Variants in ACADSB observed in about 807,000 individuals in gnomAD.
The protein encoded by ACADSB is short/branched chain specific acyl-CoA dehydrogenase, mitochondrial.
Under a neutral mutation model 54.1 loss-of-function variants are expected in ACADSB, and 40 were observed. The observed-to-expected ratio is 0.74, with a 90% CI of 0.57 to 0.96. The LOEUF (loss-of-function observed/expected upper bound fraction) is 0.96. Among genes scored for constraint, ACADSB ranks in the 40% least tolerant of loss-of-function variants. The pLI is 0.00. For missense variants in ACADSB, 530 were observed against 510.4 expected (o/e 1.04, Z -0.37); for synonymous variants, 182 against 182.8 (o/e 1.00, Z 0.03).
intron 8 of ACADSB, 138 bp downstream of exon 8, chr10:123,047,436 C>G (rs926729867): frequency 3.0e-6 from 2 of 677,024 alleles, no homozygotes; most frequent in African/African-American, 3.6e-5. Flanking sequence ...AAGAATAGGT[C>G]TCAGGGAGTG....
rs1850683827 is a variant in ACADSB, at chr10:123,054,831, T to A, written c.*1066T>A. The A allele has an allele frequency of 6.6e-6, 1 of 152,316 alleles. No homozygotes were observed. The highest frequency in any genetic ancestry group is 1.9e-4 in the East Asian group (1 of 5,192). The allele number at this position is 152,316 out of a possible 1,614,324, so 9.4% of individuals were successfully genotyped here. A position where few individuals can be genotyped will look rare whatever the true frequency, so the allele number is the denominator to read the frequency against. ...TGTTGGATATTCTGTCATGCACTAT[T>A]TTTCAGTTGACAATTTCTGTATTTT... On this transcript the variant is annotated 3_prime_UTR_variant, in exon 11 of 11. Transcript: ENST00000358776.
At chr10:123,033,580 T>C (rs1850356926) in intron 1 of ACADSB, among the ~76,000 whole-genome samples, 1 of 152,160 alleles carries the variant, frequency 6.6e-6, no homozygotes, top group Admixed American at 6.5e-5. Context: ...AGCAGTTGTG[T>C]AGAAATAGTC....
At chr10:123,039,454 CTA>C (rs1281960724) in intron 3 of ACADSB, among the ~76,000 whole-genome samples, 1 of 152,170 alleles carries the variant, frequency 6.6e-6, no homozygotes, top group African/African-American at 2.4e-5. Flanking sequence ...ATTGAGAGTA[CTA>C]TGTGAGTTTC....
chr10:123,050,679 T>C (rs1850617828), intron 8 of ACADSB, among the ~76,000 whole-genome samples: 1 of 152,200 alleles, frequency 6.6e-6, no homozygotes, highest in Non-Finnish European at 1.5e-5. Context: ...ATAAAGAATA[T>C]ATTCAAAGTT....
At position 123,012,422 on chromosome 10, in the gene ACADSB, G is replaced by C. The variant is rs150248020; in HGVS notation, c.42+3351G>C. Reference sequence around the variant, plus strand: ...TGGTGGGGCCTAATGGGAAGTGTTTGGGTCATAGTGTGTCCAGAATTGGTG... The same window carrying C: ...TGGTGGGGCCTAATGGGAAGTGTTTCGGTCATAGTGTGTCCAGAATTGGTG... On this transcript the variant is annotated intron_variant, in intron 1 of 10. Coordinates refer to ENST00000358776, the MANE Select transcript of ACADSB (RefSeq NM_001609.4). Among the ~76,000 whole-genome samples the C allele has an allele frequency of 5.7e-4, 87 of 152,304 alleles. 1 individual carries two copies. In the East Asian group the frequency reaches 0.015, roughly 26 times the overall value.
intron 1 of ACADSB, among the ~76,000 whole-genome samples, chr10:123,025,269 C>T (rs538321409): frequency 1.5e-4 from 23 of 152,074 alleles, no homozygotes; most frequent in Non-Finnish European, 2.8e-4. Flanking sequence ...TCAGCCTGGG[C>T]AACATAGCGA....
At chr10:123,049,283 C>A (rs1175044471) in intron 8 of ACADSB, among the ~76,000 whole-genome samples, 3 of 152,166 alleles carry the variant, frequency 2.0e-5, no homozygotes, top group African/African-American at 7.2e-5. Flanking sequence ...GGGTAGAGAC[C>A]AGCCTATTCA....
chr10:123,053,757 G>A lies in ACADSB; in HGVS notation c.1291G>A (p.Glu431Lys). The change falls in exon 11 of 11, where the codon GAA becomes AAA. Residue 431 changes from glutamate to lysine, a missense_variant. Glu to Lys is a moderately conservative substitution (Grantham distance 56, BLOSUM62 1). Transcript: ENST00000358776. ...LNTIAKHIDA[E>K]Y ...CACCATTGCAAAGCATATCGATGCA[G>A]AATACTGACGTCTATAGGAGTGGGA... The A allele has an allele frequency of 1.2e-6, 2 of 1,613,636 alleles. No homozygotes were observed. The highest frequency in any genetic ancestry group is 1.7e-6 in the Non-Finnish European group (2 of 1,179,528).
At chr10:123,030,281 T>C (rs1589736788) in intron 1 of ACADSB, among the ~76,000 whole-genome samples, 1 of 152,272 alleles carries the variant, frequency 6.6e-6, no homozygotes. Context: ...ATCCCAGCAC[T>C]CTGGGAGGCC....
intron 2 of ACADSB, among the ~76,000 whole-genome samples, chr10:123,034,870 A>G (rs560075218): frequency 6.6e-6 from 1 of 152,256 alleles, no homozygotes; most frequent in South Asian, 2.1e-4. Flanking sequence ...AGTTTCTTAT[A>G]TAGCCTTGCA....
At chr10:123,045,639 A>G (rs1224496328) in intron 7 of ACADSB, among the ~76,000 whole-genome samples, 3 of 152,152 alleles carry the variant, frequency 2.0e-5, no homozygotes, top group Non-Finnish European at 4.4e-5. Flanking sequence ...TTAGACCAAA[A>G]CTTAGTCTAG....
intron 1 of ACADSB, among the ~76,000 whole-genome samples, chr10:123,029,070 G>A (rs1394840258): frequency 2.0e-5 from 3 of 151,992 alleles, no homozygotes; most frequent in African/African-American, 7.3e-5. Flanking sequence ...AAACAGACCA[G>A]TCATGGTGGC....
At chr10:123,017,155 TA>T (rs547478975) in intron 1 of ACADSB, among the ~76,000 whole-genome samples, 64 of 151,958 alleles carry the variant, frequency 4.2e-4, no homozygotes, top group African/African-American at 1.4e-3. Context: ...ATTATGTGAT[TA>T]AAAAAAAATT....
chr10:123,010,559 T>C (rs1451035462), intron 1 of ACADSB, among the ~76,000 whole-genome samples: 1 of 152,242 alleles, frequency 6.6e-6, no homozygotes, highest in East Asian at 1.9e-4. Flanking sequence ...GCCCTCTCAC[T>C]TCCTAGTGGT....
chr10:123,045,959 C>T (rs938032523), intron 7 of ACADSB, among the ~76,000 whole-genome samples: 20 of 152,174 alleles, frequency 1.3e-4, no homozygotes. Flanking sequence ...GTCCTCGAAA[C>T]CTTGCAGGCA....
At chr10:123,020,378 G>C (rs574260136) in intron 1 of ACADSB, among the ~76,000 whole-genome samples, 14 of 152,318 alleles carry the variant, frequency 9.2e-5, no homozygotes, top group Non-Finnish European at 1.8e-4. Context: ...TCCTCCACTT[G>C]TTGAATCTCA....
intron 1 of ACADSB, among the ~76,000 whole-genome samples, chr10:123,019,256 A>G (rs527437750): frequency 5.9e-5 from 9 of 152,296 alleles, no homozygotes; most frequent in East Asian, 1.9e-4. Context: ...TTACCAACCT[A>G]TAGTACAATA....
At position 123,040,564 on chromosome 10, in the gene ACADSB, T is replaced by C; in HGVS notation, c.402T>C (p.Ser134=). The C allele has an allele frequency of 6.2e-7, 1 of 1,614,064 alleles. No homozygotes were observed. Among genetic ancestry groups the C allele is most frequent in the Non-Finnish European group, 8.5e-7 (1 of 1,179,914 alleles). The change falls in exon 4 of 11, where the codon TCT becomes TCC. Residue 134 remains serine (S), a synonymous_variant. Coordinates refer to ENST00000358776, the MANE Select transcript of ACADSB (RefSeq NM_001609.4). ...AGGAATTAGCCAAAGTTGATGCATC[T>C]GTGGCTGTCTTTTGTGAGATCCAGA... The part of the protein sequence containing the change: ...VIEELAKVDA[S]VAVFCEIQNT...
In ACADSB at chr10:123,053,611, C is replaced by G. The variant is rs41291346; in HGVS notation, c.1229-84C>G. On this transcript the variant is annotated intron_variant, in intron 10 of 10. Coordinates refer to ENST00000358776, the MANE Select transcript of ACADSB (RefSeq NM_001609.4). ...TGACTAGTAACTGTTTTATAGCAAG[C>G]GCAGAGGTGATGTTTATAGAGCTAT... is the stretch of plus-strand genomic sequence containing the variant. 74 of 1,152,626 alleles carry G rather than the reference C, an allele frequency of 6.4e-5. No homozygotes were observed. In the African/African-American group the frequency reaches 1.0e-3, roughly 16 times the overall value. 71.4% of individuals were successfully genotyped at this position (1,152,626 alleles called of 1,614,324 possible).
Sources: allele counts gnomAD v4.1 joint callset (sites outside exome capture counted in the v4.1 genomes callset), GRCh38; gene constraint gnomAD v4.1.1; transcripts MANE v1.5; gene names NCBI Gene and HGNC (gene_info 2026-07-23, HGNC 2026-07-21).